LLGL1: variants seen among roughly 807,000 people sequenced by gnomAD.
LLGL1 encodes LLGL scribble cell polarity complex component 1.
A neutral mutation model predicts 110.6 loss-of-function variants in LLGL1; 58 were observed. The ratio of observed to expected loss-of-function variants is 0.52; its 90% CI spans 0.42 to 0.65. LLGL1 has a LOEUF of 0.65. Ranked by LOEUF, LLGL1 falls within the 30% of genes least tolerant of loss-of-function variation. The probability of loss-of-function intolerance (pLI) is 0.00; values close to 1 mark genes in which losing one functional copy is unlikely to be tolerated. For synonymous variants in LLGL1, 674 were observed against 607.2 expected (o/e 1.11, Z -1.62); for missense variants, 1,229 against 1,462.1 (o/e 0.84, Z 2.60).
intron 16 of LLGL1, among the ~76,000 whole-genome samples, chr17:18,239,541 C>T (rs2047775958): frequency 6.6e-6 from 1 of 152,114 alleles, no homozygotes; most frequent in African/African-American, 2.4e-5. Flanking sequence ...AAATGAAAAC[C>T]CAGATACAAG....
chr17:18,234,600 T>A (rs763557616), intron 7 of LLGL1, 49 bp from the exon 8 acceptor site: 22 of 1,610,100 alleles, frequency 1.4e-5, no homozygotes, highest in Non-Finnish European at 1.9e-5. Context: ...AATGGCAGAA[T>A]TGCTAAGAAC....
Position 18,233,798 on chromosome 17 carries a change from G to A in LLGL1, c.413G>A (p.Arg138Gln), listed in dbSNP as rs532188095. 6.8e-6 allele frequency: 11 copies of A among 1,613,828 alleles called. No homozygotes were observed. The highest frequency in any genetic ancestry group is 6.7e-5 in the East Asian group (3 of 44,866). The stretch of plus-strand genomic sequence containing the variant: ...TGCAGTGCTCCGCTCAGCCTTACCC[G>A]AGTCACAGTGGTCCTGCTGGTGGCT... The part of the protein sequence containing the change: ...DGASAPLSLT[R>Q]VTVVLLVAAS... Residue 138 changes from arginine (R) to glutamine (Q), a missense_variant, in exon 5 of 23, where the codon CGA becomes CAA. Arg to Gln is a conservative substitution (Grantham distance 43). Transcript: ENST00000316843.
At position 18,235,228 on chromosome 17, in the gene LLGL1, C is replaced by T. The variant is rs145217563; in HGVS notation, c.1200C>T (p.His400=). 980 of 1,610,780 alleles carry T rather than the reference C, an allele frequency of 6.1e-4. 1 individual carries two copies. Among genetic ancestry groups the T allele is most frequent in the Non-Finnish European group, 7.6e-4 (900 of 1,180,006 alleles). The change falls in exon 10 of 23, where the codon CAC becomes CAT. Residue 400 remains histidine (H), a synonymous_variant. Coordinates refer to ENST00000316843, the MANE Select transcript of LLGL1 (RefSeq NM_004140.4). The part of the protein sequence containing the change: ...LHSSAITCSA[H]VASVPAKLWA... ...CCTCTGCAATCACTTGCTCGGCCCA[C>T]GTGGCCAGTGTCCCCGCCAAGCTGT...
chr17:18,234,157 C>T lies in LLGL1; in HGVS notation c.696C>T (p.His232=), dbSNP rs2047635190. ...IWNQASQCVD[H]IFLGNQQLES... is the part of the protein sequence containing the mutation. ...ACCAGGCCTCGCAGTGTGTGGACCA[C>T]ATCTTCCTGGGGAACCAGGTATGTA... Residue 232 remains histidine (H), a synonymous_variant, in exon 6 of 23, where the codon CAC becomes CAT. Transcript: ENST00000316843. 1.9e-6 allele frequency: 3 copies of T among 1,603,786 alleles called. No individual in the cohort carries two copies. Among genetic ancestry groups the T allele is most frequent in the African/African-American group, 1.3e-5 (1 of 74,926 alleles).
At chr17:18,235,720 C>T (rs1373255563) in intron 11 of LLGL1, 183 bp downstream of exon 11, 3 of 610,640 alleles carry the variant, frequency 4.9e-6, no homozygotes, top group East Asian at 2.8e-5. Context: ...AAGGTGCTGC[C>T]CTGATCTGCC....
chr17:18,234,276 C>T lies in LLGL1; in HGVS notation c.718C>T (p.Leu240=). 1 of 1,601,534 alleles carries T rather than the reference C, an allele frequency of 6.2e-7. No homozygotes were observed. ...GCCTGCCCCTGCCTGCCCGCAGCAG[C>T]TGGAGAGCCTATGCTGGGGGCGTGA... The part of the protein sequence containing the change: ...VDHIFLGNQQ[L]ESLCWGRDSS... Residue 240 remains leucine (L), a synonymous_variant, in exon 7 of 23, where the codon CTG becomes TTG. Coordinates refer to ENST00000316843, the MANE Select transcript of LLGL1 (RefSeq NM_004140.4).
chr17:18,227,861 G>A (rs1419462548), intron 1 of LLGL1, among the ~76,000 whole-genome samples: 2 of 152,164 alleles, frequency 1.3e-5, no homozygotes, highest in African/African-American at 2.4e-5. Context: ...CTTGGGGAAG[G>A]GACTTAGTCA....
chr17:18,228,096 G>C (rs1412504288), intron 1 of LLGL1, among the ~76,000 whole-genome samples: 2 of 152,184 alleles, frequency 1.3e-5, no homozygotes, highest in Admixed American at 1.3e-4. Flanking sequence ...TACCAAAAAG[G>C]ACAAATACCT....
At chr17:18,239,862 G>C (rs557616775) in intron 16 of LLGL1, among the ~76,000 whole-genome samples, 105 of 152,202 alleles carry the variant, frequency 6.9e-4, no homozygotes, top group Non-Finnish European at 1.4e-3. Flanking sequence ...GGCCGGCTGG[G>C]GTTCCTGTTG....
In LLGL1 at chr17:18,237,278, G is replaced by T; in HGVS notation, c.1612-203G>T. The T allele has an allele frequency of 2.1e-5, 13 of 613,752 alleles. No homozygotes were observed. The South Asian group carries it at 2.4e-4, about 11-fold the overall frequency. 38.0% of individuals were successfully genotyped at this position (613,752 alleles called of 1,614,324 possible). ...CAGAGGGCAGGGACTAGTGTGTCTT[G>T]GTCACCACTGTGTTCCTTGTGCTCA... On this transcript the variant is annotated intron_variant, in intron 13 of 22. Transcript: ENST00000316843.
In LLGL1 at chr17:18,238,119, G is replaced by A; in HGVS notation, c.1957G>A (p.Val653Met). The A allele has an allele frequency of 6.2e-7, 1 of 1,613,838 alleles. No individual in the cohort carries two copies. The highest frequency in any genetic ancestry group is 8.5e-7 in the Non-Finnish European group (1 of 1,180,018). Residue 653 changes from valine to methionine, a missense_variant, in exon 15 of 23, where the codon GTG becomes ATG. Transcript: ENST00000316843. The part of the protein sequence containing the change: ...SLAMEGPLSR[V>M]KSLKKSLRQS... Reference sequence around the variant, plus strand: ...GGCCATGGAGGGTCCGCTCTCCCGGGTGAAGTCTCTCAAGAAGTCACTGCG... The same window carrying A: ...GGCCATGGAGGGTCCGCTCTCCCGGATGAAGTCTCTCAAGAAGTCACTGCG...
intron 2 of LLGL1, among the ~76,000 whole-genome samples, chr17:18,231,032 G>A (rs896250520): frequency 6.6e-6 from 1 of 152,166 alleles, no homozygotes; most frequent in African/African-American, 2.4e-5. Context: ...TGGGTGCTGC[G>A]CTGCGTGCGC....
intron 1 of LLGL1, among the ~76,000 whole-genome samples, chr17:18,226,520 G>T (rs1044738377): frequency 6.6e-6 from 1 of 152,216 alleles, no homozygotes; most frequent in African/African-American, 2.4e-5. Context: ...GCTCTGCCCT[G>T]CCCGGGGCTC....
In LLGL1 at chr17:18,225,696, G is replaced by T; in HGVS notation, c.14G>T (p.Arg5Leu). 9.6e-7 allele frequency: 1 copy of T among 1,044,836 alleles called. No homozygotes were observed. Among genetic ancestry groups the T allele is most frequent in the South Asian group, 2.8e-5 (1 of 35,110 alleles). The allele number at this position is 1,044,836 out of a possible 1,614,324, so 64.7% of individuals were successfully genotyped here. MMKF[R>L]FRRQGADPQR... ...GCCGGGCGCAAGATGATGAAGTTTC[G>T]GTTCCGGCGGCAGGGCGCCGACCCG... The change falls in exon 1 of 23, where the codon CGG (arginine) becomes CTG (leucine). Residue 5 changes from arginine to leucine, a missense_variant. Physicochemically the swap from Arg to Leu is moderately radical, Grantham distance 102 (BLOSUM62 -2). Transcript: ENST00000316843.
In LLGL1 at chr17:18,225,725, C is replaced by G; in HGVS notation, c.43C>G (p.Arg15Gly). 3 of 1,051,944 alleles carry G rather than the reference C, an allele frequency of 2.9e-6. No homozygotes were observed. Among genetic ancestry groups the G allele is most frequent in the Non-Finnish European group, 3.5e-6 (3 of 862,148 alleles). 65.2% of individuals were successfully genotyped at this position (1,051,944 alleles called of 1,614,324 possible). The change falls in exon 1 of 23, where the codon CGC (arginine) becomes GGC (glycine). Residue 15 changes from arginine (R) to glycine (G), a missense_variant. Transcript: ENST00000316843. ...CCGGCGGCAGGGCGCCGACCCGCAG[C>G]GCGAGAAGCTCAAGCAGGAGCTTTT... ...RFRRQGADPQ[R>G]EKLKQELFAF...
chr17:18,235,535 G>C lies in LLGL1; in HGVS notation c.1350G>C (p.Thr450=). The change falls in exon 11 of 23, where the codon ACG becomes ACC. Residue 450 remains threonine, a splice_region_variant and synonymous_variant. Coordinates refer to ENST00000316843, the MANE Select transcript of LLGL1 (RefSeq NM_004140.4). Reference sequence around the variant, plus strand: ...CGTCACAGCGAGGGCTGCTGCTGACGGGGTAGGTGTGCGTGCTTATGTGGG... The same window carrying C: ...CGTCACAGCGAGGGCTGCTGCTGACCGGGTAGGTGTGCGTGCTTATGTGGG... The part of the protein sequence containing the change: ...QEPSQRGLLL[T]GHEDGTVRFW... The C allele has an allele frequency of 6.2e-7, 1 of 1,613,584 alleles. No homozygotes were observed. Among genetic ancestry groups the C allele is most frequent in the East Asian group, 2.2e-5 (1 of 44,886 alleles).
Position 18,242,730 on chromosome 17 carries a change from C to T in LLGL1, c.3117-13C>T. 2 of 1,557,720 alleles carry T rather than the reference C, an allele frequency of 1.3e-6. No individual in the cohort carries two copies. The highest frequency in any genetic ancestry group is 1.7e-6 in the Non-Finnish European group (2 of 1,147,176). On this transcript the variant is annotated splice_polypyrimidine_tract_variant and intron_variant, in intron 21 of 22. Coordinates refer to ENST00000316843, the MANE Select transcript of LLGL1 (RefSeq NM_004140.4). ...CCCCGCCCCCACCCCTGAGCACCAT[C>T]CCCATCTCGCAGCTCCTCTGAGGAG...
At position 18,234,657 on chromosome 17, in the gene LLGL1, C is replaced by T. The variant is rs768394902; in HGVS notation, c.859C>T (p.Pro287Ser). ...GCTGTCCCACCCCTCAGGCCCCTTTCCCTGCAAGGCCATTAACAAGATTCT... is the reference window on the plus strand; with the variant it reads ...GCTGTCCCACCCCTCAGGCCCCTTTTCCTGCAAGGCCATTAACAAGATTCT... Reference protein sequence around the residue: ...TVATTPYGPFPCKAINKILWR... With the variant: ...TVATTPYGPFSCKAINKILWR... The change falls in exon 8 of 23, where the codon CCC (proline) becomes TCC (serine). Residue 287 changes from proline to serine, a missense_variant. Physicochemically the swap from Pro to Ser is moderately conservative, Grantham distance 74 (BLOSUM62 -1). Transcript: ENST00000316843. The T allele has an allele frequency of 8.1e-6, 13 of 1,614,068 alleles. No individual in the cohort carries two copies. Among genetic ancestry groups the T allele is most frequent in the South Asian group, 7.7e-5 (7 of 91,088 alleles).
intron 14 of LLGL1, 45 bp downstream of exon 14, chr17:18,237,818 A>G: frequency 6.4e-7 from 1 of 1,562,126 alleles, no homozygotes. Flanking sequence ...CCCCAGCGAG[A>G]TGGGGTCTGG....
Sources: gnomAD v4.1 joint callset for allele counts (sites outside exome capture counted in the v4.1 genomes callset) on GRCh38, gnomAD v4.1.1 for gene constraint, MANE v1.5 for transcripts, NCBI Gene and HGNC (gene_info 2026-07-23, HGNC 2026-07-21) for gene names.